HAS3: variants seen among roughly 807,000 people sequenced by gnomAD.
HAS3 encodes the protein hyaluronan synthase 3.
Under a neutral mutation model 50.3 loss-of-function variants are expected in HAS3, and 27 were observed. The ratio of observed to expected loss-of-function variants is 0.54; its 90% confidence interval spans 0.40 to 0.74. The LOEUF is 0.74. Among genes scored for constraint, HAS3 ranks in the 30% least tolerant of loss-of-function variants. The pLI is 0.00. For synonymous variants in HAS3, 339 were observed against 310.9 expected (o/e 1.09, Z -0.95); for missense variants, 517 against 742.8 (o/e 0.70, Z 3.53).
chr16:69,083,820 T>A, the HAS3 span: 1 of 709,216 alleles, frequency 1.4e-6, no homozygotes, highest in Non-Finnish European at 2.3e-6. Context: ...TCAGGGTCCC[T>A]TCCGAGGGCA....
the HAS3 span, among the ~76,000 whole-genome samples, chr16:69,086,763 G>A: frequency 6.6e-6 from 1 of 152,102 alleles, no homozygotes; most frequent in Non-Finnish European, 1.5e-5. Flanking sequence ...AATTAGCTGG[G>A]TGTGGTGGCG....
Position 69,116,768 on chromosome 16 carries a change from T to C in HAS3, c.*1502T>C, listed in dbSNP as rs1961202064. On this transcript the variant is annotated 3_prime_UTR_variant, in exon 4 of 4. Coordinates refer to ENST00000569188, the MANE Select transcript of HAS3 (RefSeq NM_001199280.2). ...TTGCAATCCAGGCTGTTCTCAGCGT[T>C]TTGAGTTTAAAACCTGGGATCCTGA... 1 of 985,212 alleles carries C rather than the reference T, an allele frequency of 1.0e-6. No individual in the cohort carries two copies. Among genetic ancestry groups the C allele is most frequent in the African/African-American group, 1.7e-5 (1 of 57,234 alleles). The allele number at this position is 985,212 out of a possible 1,614,324, so 61.0% of individuals were successfully genotyped here.
the HAS3 span, among the ~76,000 whole-genome samples, chr16:69,100,379 G>A: frequency 3.9e-5 from 6 of 152,100 alleles, no homozygotes; most frequent in Non-Finnish European, 7.4e-5. Context: ...TTTTCAGTTC[G>A]CCCTCCTTAG....
intron 2 of HAS3, among the ~76,000 whole-genome samples, chr16:69,112,225 G>A (rs1961026736): frequency 6.6e-6 from 1 of 152,250 alleles, no homozygotes; most frequent in South Asian, 2.1e-4. Flanking sequence ...AGTGAGACCA[G>A]CAGAACAGCA....
rs1284456954 is a variant in HAS3, at chr16:69,116,861, C to G, written c.*1595C>G. On this transcript the variant is annotated 3_prime_UTR_variant, in exon 4 of 4. Coordinates refer to ENST00000569188, the MANE Select transcript of HAS3 (RefSeq NM_001199280.2). ...TCCTTTCTCAGAGGGGCCAGCTAAC[C>G]CGTGCAGAACCAGCACTAAGGTGGA... is the stretch of plus-strand genomic sequence containing the variant. The G allele has an allele frequency of 1.0e-6, 1 of 985,322 alleles. No homozygotes were observed. Among genetic ancestry groups the G allele is most frequent in the East Asian group, 1.1e-4 (1 of 8,826 alleles). The allele number at this position is 985,322 out of a possible 1,614,324, so 61.0% of individuals were successfully genotyped here.
rs545126958 is a variant in HAS3 at position 69,114,305 on chromosome 16, G to A, written c.739-38G>A. The A allele has an allele frequency of 9.7e-6, 15 of 1,547,792 alleles. No homozygotes were observed. In the East Asian group the frequency reaches 3.4e-4, roughly 35 times the overall value. On this transcript the variant is annotated intron_variant, in intron 3 of 3. Coordinates refer to ENST00000569188, the MANE Select transcript of HAS3 (RefSeq NM_001199280.2). This position sits in a 1 kb window ranked among gnomAD's most constrained non-coding sequence, Gnocchi z 6.4. ...TCTCTGATGTCTGTCCTCCGGACGTGCAACCTTAGGAGGCCCAGCATCTCT... is the reference window on the plus strand; with the variant it reads ...TCTCTGATGTCTGTCCTCCGGACGTACAACCTTAGGAGGCCCAGCATCTCT...
chr16:69,094,106 G>A, the HAS3 span, among the ~76,000 whole-genome samples: 2 of 152,202 alleles, frequency 1.3e-5, no homozygotes, highest in Admixed American at 6.5e-5. Context: ...GTGTGGTGCC[G>A]GAGCACAGGA....
chr16:69,117,395 C>G lies in HAS3; in HGVS notation c.*2129C>G, dbSNP rs1370622695. 1.0e-6 allele frequency: 1 copy of G among 985,640 alleles called. No individual in the cohort carries two copies. Among genetic ancestry groups the G allele is most frequent in the Admixed American group, 6.2e-5 (1 of 16,244 alleles). 61.1% of individuals were successfully genotyped at this position (985,640 alleles called of 1,614,324 possible). A position where few individuals can be genotyped will look rare whatever the true frequency, so the allele number is the denominator to read the frequency against. ...CAACGTTTGACCTCGACTGGTTTTTCTAAGTTATTTTGTACATTTTTCAGC... is the reference window on the plus strand; with the variant it reads ...CAACGTTTGACCTCGACTGGTTTTTGTAAGTTATTTTGTACATTTTTCAGC... On this transcript the variant is annotated 3_prime_UTR_variant, in exon 4 of 4. Coordinates refer to ENST00000569188, the MANE Select transcript of HAS3 (RefSeq NM_001199280.2).
At chr16:69,094,029 A>G in the HAS3 span, among the ~76,000 whole-genome samples, 2 of 152,196 alleles carry the variant, frequency 1.3e-5, no homozygotes, top group African/African-American at 2.4e-5. Flanking sequence ...CCCTAACTCC[A>G]GCACAGAGCT....
chr16:69,104,222 C>G (rs1960726843), upstream of HAS3, among the ~76,000 whole-genome samples: 1 of 151,312 alleles, frequency 6.6e-6, no homozygotes. Flanking sequence ...TCCCTAGTAG[C>G]TGGGACTACA....
Position 69,115,558 on chromosome 16 carries a change from A to G in HAS3, c.*292A>G. 8.9e-7 allele frequency: 1 copy of G among 1,125,410 alleles called. No homozygotes were observed. Among genetic ancestry groups the G allele is most frequent in the Non-Finnish European group, 1.1e-6 (1 of 918,972 alleles). 69.7% of individuals were successfully genotyped at this position (1,125,410 alleles called of 1,614,324 possible). A position where few individuals can be genotyped will look rare whatever the true frequency, so the allele number is the denominator to read the frequency against. On this transcript the variant is annotated 3_prime_UTR_variant, in exon 4 of 4. Transcript: ENST00000569188. ...AGCCTCCTCCTGGGCTCCAGAGGGC[A>G]CTCAGAAGTTGTGCTAAACCAAGTT...
Position 69,109,540 on chromosome 16 carries a change from G to A in HAS3, c.145G>A (p.Gly49Ser). 1.9e-6 allele frequency: 3 copies of A among 1,613,938 alleles called. No individual in the cohort carries two copies. The highest frequency in any genetic ancestry group is 1.7e-6 in the Non-Finnish European group (2 of 1,180,042). Residue 49 changes from glycine (G) to serine (S), a missense_variant, in exon 2 of 4, where the codon GGC becomes AGC. Physicochemically the swap from Gly to Ser is moderately conservative, Grantham distance 56. Coordinates refer to ENST00000569188, the MANE Select transcript of HAS3 (RefSeq NM_001199280.2). This position sits in a 1 kb window ranked among gnomAD's most constrained non-coding sequence, Gnocchi z 5.3. Reference protein sequence around the residue: ...EKHYLSFGLYGAILGLHLLIQ... With the variant: ...EKHYLSFGLYSAILGLHLLIQ... ...GCACTACCTGTCCTTCGGCCTGTAC[G>A]GCGCCATCCTGGGCCTGCACCTGCT...
At chr16:69,093,449 G>A in the HAS3 span, among the ~76,000 whole-genome samples, 1 of 150,692 alleles carries the variant, frequency 6.6e-6, no homozygotes, top group Admixed American at 6.6e-5. Context: ...CCGACCTCAA[G>A]AGATCAGTTC....
At chr16:69,112,692 G>A (rs1961049330) in intron 2 of HAS3, among the ~76,000 whole-genome samples, 2 of 152,196 alleles carry the variant, frequency 1.3e-5, no homozygotes, top group South Asian at 4.1e-4. Flanking sequence ...ACCAGAAAAG[G>A]AGTCAGCCAC....
Position 69,115,240 on chromosome 16 carries a change from T to C in HAS3, c.1636T>C (p.Tyr546His). 1 of 1,528,554 alleles carries C rather than the reference T, an allele frequency of 6.5e-7. No individual in the cohort carries two copies. Among genetic ancestry groups the C allele is most frequent in the Non-Finnish European group, 8.8e-7 (1 of 1,139,514 alleles). 94.7% of individuals were successfully genotyped at this position (1,528,554 alleles called of 1,614,324 possible). ...ARRCGKKPEQ[Y>H]SLAFAEV is the part of the protein sequence containing the mutation. Reference sequence around the variant, plus strand: ...GCGATGTGGGAAGAAGCCGGAGCAGTACAGCTTGGCTTTTGCTGAGGTGTG... The same window carrying C: ...GCGATGTGGGAAGAAGCCGGAGCAGCACAGCTTGGCTTTTGCTGAGGTGTG... The change falls in exon 4 of 4, where the codon TAC (tyrosine) becomes CAC (histidine). Residue 546 changes from tyrosine (Y) to histidine (H), a missense_variant. By Grantham distance (83) the Tyr-to-His change is moderately conservative (BLOSUM62 2). Transcript: ENST00000569188.
In HAS3 at chr16:69,117,435, G is replaced by A. The variant is rs1961233109; in HGVS notation, c.*2169G>A. ...CATTTTTCAGCAGCAAAACCAAACT[G>A]GGTCTTCAGCTTTATCCCCGTTTCT... On this transcript the variant is annotated 3_prime_UTR_variant, in exon 4 of 4. Coordinates refer to ENST00000569188, the MANE Select transcript of HAS3 (RefSeq NM_001199280.2). The A allele has an allele frequency of 2.0e-6, 2 of 985,674 alleles. No homozygotes were observed. The highest frequency in any genetic ancestry group is 2.4e-6 in the Non-Finnish European group (2 of 829,916). The allele number at this position is 985,674 out of a possible 1,614,324, so 61.1% of individuals were successfully genotyped here.
chr16:69,104,269 T>TC (rs958085360), upstream of HAS3, among the ~76,000 whole-genome samples: 11 of 141,312 alleles, frequency 7.8e-5, no homozygotes, highest in South Asian at 2.1e-4. Flanking sequence ...GTTTTTTTTT[T>TC]TTTTCTTTTC....
chr16:69,109,657 G>A lies in HAS3; in HGVS notation c.262G>A (p.Ala88Thr). ...GCCCTCCCCGCGGCGGGGCTCGGTGGCACTGTGCATTGCCGCATACCAGGA... is the reference window on the plus strand; with the variant it reads ...GCCCTCCCCGCGGCGGGGCTCGGTGACACTGTGCATTGCCGCATACCAGGA... ...KLPSPRRGSV[A>T]LCIAAYQEDP... Residue 88 changes from alanine to threonine, a missense_variant, in exon 2 of 4, where the codon GCA becomes ACA. By Grantham distance (58) the Ala-to-Thr change is moderately conservative. Coordinates refer to ENST00000569188, the MANE Select transcript of HAS3 (RefSeq NM_001199280.2). This position sits in a 1 kb window ranked among gnomAD's most constrained non-coding sequence, Gnocchi z 5.3. The A allele has an allele frequency of 6.2e-7, 1 of 1,609,942 alleles. No individual in the cohort carries two copies.
downstream of HAS3, chr16:69,118,202 G>A (rs778640628): frequency 1.2e-4 from 64 of 539,534 alleles, no homozygotes; most frequent in Non-Finnish European, 1.7e-4. Flanking sequence ...GGGAGTACCA[G>A]TGAAGAGGGA....
Sources: allele counts gnomAD v4.1 joint callset (sites outside exome capture counted in the v4.1 genomes callset), GRCh38; gene constraint gnomAD v4.1.1; non-coding constraint Gnocchi (gnomAD v3.1); transcripts MANE v1.5; gene names NCBI Gene and HGNC (gene_info 2026-07-23, HGNC 2026-07-21).